Variants in KNG1 observed in about 807,000 individuals in gnomAD.
KNG1 encodes kininogen-1.
Under a neutral mutation model 47.8 loss-of-function variants are expected in KNG1, and 23 were observed. That is an observed-to-expected ratio of 0.48 (90% CI 0.35 to 0.68). KNG1 has a LOEUF of 0.68. KNG1 is among the 30% of genes least tolerant of loss of function. The pLI, the probability that KNG1 is intolerant of heterozygous loss-of-function variation, is 0.01. For synonymous variants in KNG1, 277 were observed against 277.0 expected, an observed-to-expected ratio of 1.00 and a Z score of 0.00; for missense variants, 762 against 790.2, an observed-to-expected ratio of 0.96 and a Z score of 0.43.
At chr3:186,737,952 T>G (rs527588597) in intron 7 of KNG1, among the ~76,000 whole-genome samples, 1 of 151,764 alleles carries the variant, frequency 6.6e-6, no homozygotes, top group South Asian at 2.1e-4. Flanking sequence ...GAGTAGTGAT[T>G]AAAACTGTTG....
At chr3:186,720,252 T>A in intron 2 of KNG1, 37 bp downstream of exon 2, 2 of 1,361,582 alleles carry the variant, frequency 1.5e-6, no homozygotes, top group Non-Finnish European at 2.1e-6. Flanking sequence ...TTCTGTTTTC[T>A]CCGTTGACCC....
At position 186,719,437 on chromosome 3, in the gene KNG1, A is replaced by G. The variant is rs146942440; in HGVS notation, c.196-668A>G. Among the ~76,000 whole-genome samples the G allele has an allele frequency of 6.6e-5, 10 of 152,290 alleles. No individual in the cohort carries two copies. In the East Asian group the frequency reaches 1.7e-3, roughly 26 times the overall value. ...CATATACGTTCATTAGGGGAAAAAG[A>G]CCACTTAGAAATGTTTGCTTGGGCC... On this transcript the variant is annotated intron_variant, in intron 1 of 9. Transcript: ENST00000644859.
chr3:186,732,731 C>G, intron 7 of KNG1, 57 bp downstream of exon 7: 4 of 1,386,676 alleles, frequency 2.9e-6, no homozygotes, highest in Non-Finnish European at 3.1e-6. Flanking sequence ...AAATTGCTGA[C>G]TAATTTTGCC....
In KNG1 at chr3:186,732,653, T is replaced by C; in HGVS notation, c.909T>C (p.Asn303=). The C allele has an allele frequency of 1.2e-6, 2 of 1,613,980 alleles. No individual in the cohort carries two copies. The highest frequency in any genetic ancestry group is 2.2e-5 in the East Asian group (1 of 44,888). The change falls in exon 7 of 10, where the codon AAT becomes AAC. Residue 303 remains asparagine (N), a synonymous_variant. Transcript: ENST00000644859. ...CAACTTTCTATTTCAAGATTGACAA[T>C]GTGAAAAAAGCAAGAGTACAGGTGT... ...NNATFYFKID[N]VKKARVQVVA... is the part of the protein sequence containing the mutation.
intron 7 of KNG1, among the ~76,000 whole-genome samples, chr3:186,733,860 C>A (rs1041213911): frequency 6.6e-6 from 1 of 151,956 alleles, no homozygotes; most frequent in Non-Finnish European, 1.5e-5. Flanking sequence ...CCCAGCTACT[C>A]GGAAGGCTGA....
intron 7 of KNG1, chr3:186,736,962 G>A (rs995383050): frequency 1.3e-5 from 2 of 152,218 alleles, no homozygotes; most frequent in African/African-American, 4.8e-5. Flanking sequence ...TGAGGCAGGA[G>A]AATCACTTGA....
chr3:186,740,106 G>A (rs866942383), intron 9 of KNG1, among the ~76,000 whole-genome samples: 6 of 151,662 alleles, frequency 4.0e-5, no homozygotes, highest in South Asian at 2.1e-4. Flanking sequence ...CACAGCTACC[G>A]AATTTTAACC....
intron 7 of KNG1, chr3:186,735,925 A>G (rs1403458773): frequency 6.6e-6 from 1 of 152,224 alleles, no homozygotes; most frequent in Non-Finnish European, 1.5e-5. Flanking sequence ...TTACAGGCGC[A>G]CACCAATGCA....
At position 186,742,285 on chromosome 3, in the gene KNG1, A is replaced by T; in HGVS notation, c.1889A>T (p.Gln630Leu). ...GTTAGTGAAATTAATCCAACCACAC[A>T]AATGAAAGAATCTTATTATTTCGAT... ...KSVSEINPTT[Q>L]MKESYYFDLT... Residue 630 changes from glutamine (Q) to leucine (L), a missense_variant, in exon 10 of 10, where the codon CAA (glutamine) becomes CTA (leucine). Coordinates refer to ENST00000644859, the MANE Select transcript of KNG1 (RefSeq NM_001102416.3). The T allele has an allele frequency of 6.2e-7, 1 of 1,614,192 alleles. No individual in the cohort carries two copies. The highest frequency in any genetic ancestry group is 2.2e-5 in the East Asian group (1 of 44,890).
At chr3:186,723,121 C>CT (rs5030001) in intron 3 of KNG1, among the ~76,000 whole-genome samples, 48,688 of 151,780 alleles carry the variant, frequency 0.32, 7,991 homozygotes, top group Middle Eastern at 0.42. Context: ...TCTTCTTTTT[C>CT]TTTTTTTCTT....
chr3:186,727,659 C>T (rs1720410567), intron 5 of KNG1, among the ~76,000 whole-genome samples: 1 of 152,150 alleles, frequency 6.6e-6, no homozygotes, highest in African/African-American at 2.4e-5. Context: ...GCAGCCTCCA[C>T]CTCGCATGTT....
rs1560066090 is a variant in KNG1, at chr3:186,730,743, CATATATATATACACAT to C, written c.673-792_673-777del. ...ACACACACACACATATATATATACA[CATATATATATACACAT>C]ATATATATACACACACACAAATACA... On this transcript the variant is annotated intron_variant, in intron 5 of 9. Coordinates refer to ENST00000644859, the MANE Select transcript of KNG1 (RefSeq NM_001102416.3). Among the ~76,000 whole-genome samples, 230 of 129,796 alleles carry C rather than the reference CATATATATATACACAT, an allele frequency of 1.8e-3. 2 individuals carry two copies. Among genetic ancestry groups the C allele is most frequent in the African/African-American group, 5.9e-3 (204 of 34,462 alleles). The allele number at this position is 129,796 out of a possible 152,430, so 85.2% of individuals were successfully genotyped here. A position where few individuals can be genotyped will look rare whatever the true frequency, so the allele number is the denominator to read the frequency against.
chr3:186,725,270 TTAATTCTC>T lies in KNG1; in HGVS notation c.564+14_564+21del, dbSNP rs754430488. On this transcript the variant is annotated intron_variant, in intron 4 of 9. Coordinates refer to ENST00000644859, the MANE Select transcript of KNG1 (RefSeq NM_001102416.3). Reference sequence around the variant, plus strand: ...ACGGGCCCAAAGACAGGTTTGTTCTTTAATTCTCTAAGTAGCACAGTATTACTAAAATT... The same window carrying T: ...ACGGGCCCAAAGACAGGTTTGTTCTTTAAGTAGCACAGTATTACTAAAATT... The T allele has an allele frequency of 6.2e-7, 1 of 1,612,390 alleles. No individual in the cohort carries two copies.
chr3:186,730,011 GTCTT>G (rs1327349032), intron 5 of KNG1, among the ~76,000 whole-genome samples: 6 of 151,990 alleles, frequency 3.9e-5, no homozygotes, highest in East Asian at 1.9e-4. Flanking sequence ...CTAGGCATAG[GTCTT>G]TCTATTTGTT....
chr3:186,719,507 A>G (rs5029976), intron 1 of KNG1, among the ~76,000 whole-genome samples: 64,044 of 151,724 alleles, frequency 0.42, 13,873 homozygotes, highest in South Asian at 0.61. Flanking sequence ...TTGGGAGGCC[A>G]AGGCGGGGGG....
At chr3:186,720,458 C>G in intron 2 of KNG1, 3 of 534,138 alleles carry the variant, frequency 5.6e-6, no homozygotes, top group Middle Eastern at 5.2e-4. Flanking sequence ...TAGTGTCCAG[C>G]CAGAACATGT....
At chr3:186,740,868 G>A (rs927010977) in intron 9 of KNG1, among the ~76,000 whole-genome samples, 6 of 152,038 alleles carry the variant, frequency 3.9e-5, no homozygotes, top group Non-Finnish European at 8.8e-5. Context: ...TAAAAACATA[G>A]GCTCAGAAGC....
rs760399558 is a variant in KNG1 at position 186,741,652 on chromosome 3, C to A, written c.1256C>A (p.Ser419Ter). Residue 419 changes from serine (S) to a stop codon, truncating the protein, a stop_gained, in exon 10 of 10, where the codon TCA becomes TAA. Coordinates refer to ENST00000644859, the MANE Select transcript of KNG1 (RefSeq NM_001102416.3). LOFTEE classifies it low-confidence loss of function (END_TRUNC). ...MAPAQDEERD[S>*]GKEQGHTRRH... ...CCTGCACAAGATGAAGAGCGGGATTCAGGAAAAGAACAAGGGCATACTCGT... is the reference window on the plus strand; with the variant it reads ...CCTGCACAAGATGAAGAGCGGGATTAAGGAAAAGAACAAGGGCATACTCGT... 61 of 1,614,000 alleles carry A rather than the reference C, an allele frequency of 3.8e-5. No homozygotes were observed. Among genetic ancestry groups the A allele is most frequent in the Non-Finnish European group, 5.1e-5 (60 of 1,180,044 alleles).
chr3:186,725,027 C>A, intron 3 of KNG1, 61 bp from the exon 4 acceptor site: 2 of 1,565,702 alleles, frequency 1.3e-6, no homozygotes, highest in South Asian at 2.2e-5. Context: ...TTGTTTAGGG[C>A]AGTGTATGCG....
Sources: gnomAD v4.1 joint callset for allele counts (sites outside exome capture counted in the v4.1 genomes callset) on GRCh38, gnomAD v4.1.1 for gene constraint, MANE v1.5 for transcripts, NCBI Gene and HGNC (gene_info 2026-07-23, HGNC 2026-07-21) for gene names.